The following DPP10 variants were observed in gnomAD, a reference collection of about 807,000 sequenced individuals.
DPP10 encodes inactive dipeptidyl peptidase 10.
In DPP10, 33 loss-of-function variants were observed where a neutral mutation model predicts 120.9. The ratio of observed to expected loss-of-function variants is 0.27; its 90% CI spans 0.21 to 0.37. DPP10 has a LOEUF of 0.37. Among genes scored for constraint, DPP10 ranks in the 10% least tolerant of loss-of-function variants. The probability of loss-of-function intolerance (pLI) is 1.00; values close to 1 mark genes in which losing one functional copy is unlikely to be tolerated. For synonymous variants in DPP10, 337 were observed against 326.1 expected, an observed-to-expected ratio of 1.03 and a Z score of -0.36; for missense variants, 816 against 942.8, an observed-to-expected ratio of 0.87 and a Z score of 1.76.
intron 2 of DPP10, among the ~76,000 whole-genome samples, chr2:115,315,733 G>A (rs148583684): frequency 1.3e-3 from 198 of 152,106 alleles, no homozygotes; most frequent in Non-Finnish European, 2.3e-3. Flanking sequence ...GTCTCTGCTT[G>A]TTTTTTTCAA....
chr2:115,002,504 C>T (rs1701509650), intron 1 of DPP10, among the ~76,000 whole-genome samples: 1 of 148,432 alleles, frequency 6.7e-6, no homozygotes, highest in African/African-American at 2.4e-5. Flanking sequence ...GCAGCAAAAA[C>T]AAAAATTGAT....
chr2:115,830,129 G>C (rs1396961425), intron 21 of DPP10, among the ~76,000 whole-genome samples: 1 of 152,050 alleles, frequency 6.6e-6, no homozygotes, highest in African/African-American at 2.4e-5. Flanking sequence ...GCCAAGGTGG[G>C]TGGATCACCT....
chr2:115,334,090 A>T (rs75780184), intron 2 of DPP10, among the ~76,000 whole-genome samples: 2 of 151,826 alleles, frequency 1.3e-5, no homozygotes, highest in Admixed American at 6.6e-5. Flanking sequence ...ATCCGGGAGA[A>T]CTTCCCCAAC....
intron 1 of DPP10, among the ~76,000 whole-genome samples, chr2:115,151,354 C>T (rs950773228): frequency 6.6e-6 from 1 of 151,312 alleles, no homozygotes; most frequent in African/African-American, 2.4e-5. Flanking sequence ...ATCAGTTACA[C>T]TATGAGATTT....
intron 7 of DPP10, among the ~76,000 whole-genome samples, chr2:115,703,054 T>C (rs2091956430): frequency 6.6e-6 from 1 of 151,976 alleles, no homozygotes; most frequent in Non-Finnish European, 1.5e-5. Flanking sequence ...TACTTATCTA[T>C]AATTGTATCA....
chr2:114,683,575 T>C (rs946022780), intron 1 of DPP10, among the ~76,000 whole-genome samples: 2 of 121,758 alleles, frequency 1.6e-5, no homozygotes, highest in Non-Finnish European at 3.5e-5. Context: ...TCCCTCCCTC[T>C]CTCTCTCTTT....
chr2:115,008,319 C>A (rs1206368991), intron 1 of DPP10, among the ~76,000 whole-genome samples: 12 of 104,114 alleles, frequency 1.2e-4, no homozygotes, highest in East Asian at 9.2e-4. Flanking sequence ...GAAAAACAAG[C>A]AATGGGGAAA....
chr2:114,765,479 A>G (rs981677891), intron 1 of DPP10, among the ~76,000 whole-genome samples: 3 of 152,190 alleles, frequency 2.0e-5, no homozygotes, highest in South Asian at 2.1e-4. Flanking sequence ...GCACAAGTAC[A>G]ACAAATACGA....
intron 5 of DPP10, among the ~76,000 whole-genome samples, chr2:115,655,730 A>G (rs1305975850): frequency 1.3e-5 from 2 of 151,640 alleles, no homozygotes; most frequent in African/African-American, 2.4e-5. Flanking sequence ...ATAAAAAGAT[A>G]TTAATCATAT....
chr2:115,379,691 G>A (rs545990611), intron 3 of DPP10, among the ~76,000 whole-genome samples: 6 of 152,156 alleles, frequency 3.9e-5, no homozygotes, highest in East Asian at 1.9e-4. Flanking sequence ...TGGGCATTTA[G>A]TGCTATAAAT....
At chr2:115,377,480 A>G (rs2065903884) in intron 3 of DPP10, among the ~76,000 whole-genome samples, 1 of 152,036 alleles carries the variant, frequency 6.6e-6, no homozygotes, top group Non-Finnish European at 1.5e-5. Context: ...AGATTGCAAA[A>G]ATTTCCTCCC....
At chr2:114,581,171 CTCTTTTTT>C (rs1690482562) in intron 1 of DPP10, among the ~76,000 whole-genome samples, 2 of 98,068 alleles carry the variant, frequency 2.0e-5, no homozygotes, top group South Asian at 7.3e-4. Context: ...TTTTTTTCTT[CTCTTTTTT>C]TTTTTTTTTT....
chr2:115,130,310 T>C (rs1474063273), intron 1 of DPP10, among the ~76,000 whole-genome samples: 1 of 152,200 alleles, frequency 6.6e-6, no homozygotes, highest in Non-Finnish European at 1.5e-5. Flanking sequence ...TTGTCTGGTC[T>C]CTCTGTCACC....
At chr2:115,075,217 T>C (rs992156742) in intron 1 of DPP10, among the ~76,000 whole-genome samples, 4 of 152,226 alleles carry the variant, frequency 2.6e-5, no homozygotes, top group African/African-American at 9.6e-5. Context: ...TTGCATAAAA[T>C]AGCATAATCT....
chr2:115,187,444 C>G (rs1173764493), intron 1 of DPP10, among the ~76,000 whole-genome samples: 1 of 152,158 alleles, frequency 6.6e-6, no homozygotes, highest in Non-Finnish European at 1.5e-5. Flanking sequence ...TTCATACATA[C>G]TAAATCTTGA....
Position 115,801,120 on chromosome 2 carries a change from G to T in DPP10, c.1700+9764G>T, listed in dbSNP as rs564918757. The stretch of plus-strand genomic sequence containing the variant: ...TCCTCTTTTATTTCCTTGAGCAGTG[G>T]TTTGTAGTTCTCCTTGAAGAGGTCC... On this transcript the variant is annotated intron_variant, in intron 19 of 25. Transcript: ENST00000410059. Among the ~76,000 whole-genome samples the T allele has an allele frequency of 4.8e-3, 735 of 151,902 alleles. 7 individuals carry two copies. Among genetic ancestry groups the T allele is most frequent in the African/African-American group, 0.017 (691 of 41,344 alleles).
chr2:115,073,229 G>A (rs2420886), intron 1 of DPP10, among the ~76,000 whole-genome samples: 3 of 152,222 alleles, frequency 2.0e-5, no homozygotes, highest in Non-Finnish European at 2.9e-5. Flanking sequence ...AATACATTCC[G>A]AAGAAAAACT....
chr2:114,794,252 A>G (rs1038663230), intron 1 of DPP10, among the ~76,000 whole-genome samples: 1 of 152,166 alleles, frequency 6.6e-6, no homozygotes. Flanking sequence ...CCAGCAAACC[A>G]TACATCTTCG....
chr2:115,727,812 C>T lies in DPP10; in HGVS notation c.577-4C>T, dbSNP rs1360294949. The T allele has an allele frequency of 1.3e-6, 2 of 1,578,588 alleles. No homozygotes were observed. Among genetic ancestry groups the T allele is most frequent in the Non-Finnish European group, 1.7e-6 (2 of 1,166,862 alleles). ...TTTTGTTTGTTTCACATTTCCTGATCCAGATTTATATTTTTGAAAATAATA... is the reference window on the plus strand; with the variant it reads ...TTTTGTTTGTTTCACATTTCCTGATTCAGATTTATATTTTTGAAAATAATA... On this transcript the variant is annotated splice_region_variant and splice_polypyrimidine_tract_variant and intron_variant, in intron 7 of 25. Transcript: ENST00000410059.
Sources: gnomAD v4.1 joint callset for allele counts (sites outside exome capture counted in the v4.1 genomes callset) on GRCh38, gnomAD v4.1.1 for gene constraint, MANE v1.5 for transcripts, NCBI Gene and HGNC (gene_info 2026-07-23, HGNC 2026-07-21) for gene names.